Variants in ARSJ observed in about 807,000 individuals in gnomAD.
ARSJ encodes the protein arylsulfatase family member J, also known as arylsulfatase J.
Under a neutral mutation model 35.9 loss-of-function variants are expected in ARSJ, and 26 were observed. The ratio of observed to expected loss-of-function variants is 0.72; its 90% CI spans 0.53 to 1.00. The LOEUF (loss-of-function observed/expected upper bound fraction) is 1.00, where lower values mean the gene tolerates loss of function less well. ARSJ is among the 50% of genes least tolerant of loss of function. The pLI is 0.00. For missense variants in ARSJ, 667 were observed against 723.6 expected (o/e 0.92, Z 0.90); for synonymous variants, 294 against 267.6 (o/e 1.10, Z -0.96).
intron 1 of ARSJ, among the ~76,000 whole-genome samples, chr4:113,927,775 G>T (rs931195175): frequency 1.3e-5 from 2 of 152,214 alleles, no homozygotes; most frequent in Admixed American, 1.3e-4. Flanking sequence ...CCAAATGGAA[G>T]AGTTGAATGG....
At chr4:113,971,424 C>T (rs1174110574) in intron 1 of ARSJ, among the ~76,000 whole-genome samples, 1 of 152,160 alleles carries the variant, frequency 6.6e-6, no homozygotes, top group East Asian at 1.9e-4. Flanking sequence ...GAATTCACTT[C>T]AATGGCTTTT....
chr4:113,909,575 C>A (rs1365951388), intron 1 of ARSJ, among the ~76,000 whole-genome samples: 1 of 152,174 alleles, frequency 6.6e-6, no homozygotes, highest in Non-Finnish European at 1.5e-5. Context: ...CCCATGATTT[C>A]ATAAGGTGCT....
At chr4:113,959,020 C>T (rs940589492) in intron 1 of ARSJ, among the ~76,000 whole-genome samples, 1 of 151,756 alleles carries the variant, frequency 6.6e-6, no homozygotes, top group Admixed American at 6.6e-5. Flanking sequence ...GTTTTGGGAG[C>T]GGGATGGGGG....
intron 1 of ARSJ, among the ~76,000 whole-genome samples, chr4:113,930,989 C>T (rs919159252): frequency 6.8e-6 from 1 of 147,922 alleles, no homozygotes; most frequent in Non-Finnish European, 1.5e-5. Flanking sequence ...ATCACATGGA[C>T]ACAGGAAGGG....
chr4:113,918,454 G>A (rs1723457525), intron 1 of ARSJ, among the ~76,000 whole-genome samples: 1 of 151,986 alleles, frequency 6.6e-6, no homozygotes, highest in African/African-American at 2.4e-5. Flanking sequence ...TTTCTATTAT[G>A]GTAAAAATCA....
rs537656932 is a variant in ARSJ, at chr4:113,911,888, T to C, written c.399-8213A>G. ...TAATTTGCTTCACCATAGTAACTAA[T>C]TTAGTACTTATGGCTAGCCCATTAT... On this transcript the variant is annotated intron_variant, in intron 1 of 1. Coordinates refer to ENST00000315366, the MANE Select transcript of ARSJ (RefSeq NM_024590.4). 6.6e-5 allele frequency among the ~76,000 whole-genome samples: 10 copies of C among 152,294 alleles called. No homozygotes were observed. In the South Asian group the frequency reaches 8.3e-4, roughly 13 times the overall value.
chr4:113,910,754 C>T (rs1006992071), intron 1 of ARSJ, among the ~76,000 whole-genome samples: 8 of 152,078 alleles, frequency 5.3e-5, no homozygotes, highest in African/African-American at 1.7e-4. Flanking sequence ...GCTTGTTTAA[C>T]ACTCCTTCTC....
At chr4:113,964,650 G>T (rs528774590) in intron 1 of ARSJ, among the ~76,000 whole-genome samples, 1 of 152,048 alleles carries the variant, frequency 6.6e-6, no homozygotes, top group African/African-American at 2.4e-5. Flanking sequence ...TTAAACAGTT[G>T]GGAGAAAAAT....
intron 1 of ARSJ, among the ~76,000 whole-genome samples, chr4:113,974,662 A>G (rs1340622341): frequency 1.3e-5 from 2 of 152,178 alleles, no homozygotes; most frequent in Non-Finnish European, 2.9e-5. Flanking sequence ...ATGAAAAAAG[A>G]TAATACTAAA....
chr4:113,966,599 A>G (rs1461571932), intron 1 of ARSJ, among the ~76,000 whole-genome samples: 2 of 152,190 alleles, frequency 1.3e-5, no homozygotes, highest in African/African-American at 4.8e-5. Context: ...TGATGAAAGG[A>G]TATTAGCAGT....
chr4:113,943,084 A>G (rs956731), intron 1 of ARSJ, among the ~76,000 whole-genome samples: 32,262 of 151,962 alleles, frequency 0.21, 3,576 homozygotes, highest in Middle Eastern at 0.33. Context: ...TTTTGGCCAA[A>G]CTACATCACT....
chr4:113,928,380 T>A (rs545967962), intron 1 of ARSJ, among the ~76,000 whole-genome samples: 6 of 152,170 alleles, frequency 3.9e-5, no homozygotes, highest in Non-Finnish European at 8.8e-5. Context: ...GTCTGTAAAC[T>A]GGATAAAGTC....
chr4:113,910,400 C>A (rs2099670100), intron 1 of ARSJ, among the ~76,000 whole-genome samples: 1 of 152,164 alleles, frequency 6.6e-6, no homozygotes, highest in Middle Eastern at 3.4e-3. Flanking sequence ...TACTTTTATG[C>A]AGACTTTAAA....
At position 113,902,921 on chromosome 4, in the gene ARSJ, T is replaced by A. The variant is rs1170562338; in HGVS notation, c.1153A>T (p.Ile385Phe). Reference sequence around the variant, plus strand: ...TCAATCTGTCCTTCAGCCAGTGAAATGAGAGTGGGGTACCAGTCAGTGATG... The same window carrying A: ...TCAATCTGTCCTTCAGCCAGTGAAAAGAGAGTGGGGTACCAGTCAGTGATG... Reference protein sequence around the residue: ...VHITDWYPTLISLAEGQIDED... With the variant: ...VHITDWYPTLFSLAEGQIDED... Residue 385 changes from isoleucine (I) to phenylalanine (F), a missense_variant, in exon 2 of 2, where the codon ATT becomes TTT. Physicochemically the swap from Ile to Phe is conservative, Grantham distance 21 (BLOSUM62 0). Transcript: ENST00000315366. 3 of 1,613,598 alleles carry A rather than the reference T, an allele frequency of 1.9e-6. No homozygotes were observed. The highest frequency in any genetic ancestry group is 2.5e-6 in the Non-Finnish European group (3 of 1,179,670).
intron 1 of ARSJ, among the ~76,000 whole-genome samples, chr4:113,924,350 T>A (rs1723919017): frequency 6.6e-6 from 1 of 151,888 alleles, no homozygotes; most frequent in African/African-American, 2.4e-5. Context: ...GGCAGGTGAT[T>A]AGATGGTGCC....
intron 1 of ARSJ, among the ~76,000 whole-genome samples, chr4:113,937,046 G>A (rs1021622869): frequency 1.3e-5 from 2 of 151,690 alleles, no homozygotes; most frequent in South Asian, 4.2e-4. Flanking sequence ...GAAAAGTATA[G>A]GCCATTATTT....
At chr4:113,919,201 G>C (rs1723512169) in intron 1 of ARSJ, among the ~76,000 whole-genome samples, 2 of 152,188 alleles carry the variant, frequency 1.3e-5, no homozygotes, top group South Asian at 4.1e-4. Context: ...CAAGGGCTCA[G>C]TTGCAGAAAG....
chr4:113,927,493 C>T (rs770328149), intron 1 of ARSJ, among the ~76,000 whole-genome samples: 9 of 152,132 alleles, frequency 5.9e-5, no homozygotes, highest in East Asian at 1.9e-4. Context: ...CACACAAAGC[C>T]GGAGAGTTGA....
chr4:113,920,638 T>C (rs1484189518), intron 1 of ARSJ, among the ~76,000 whole-genome samples: 1 of 152,074 alleles, frequency 6.6e-6, no homozygotes, highest in Non-Finnish European at 1.5e-5. Flanking sequence ...AAAAGACAAA[T>C]CTTAAAGAAT....
Sources: gnomAD v4.1 joint callset for allele counts (sites outside exome capture counted in the v4.1 genomes callset) on GRCh38, gnomAD v4.1.1 for gene constraint, MANE v1.5 for transcripts, NCBI Gene and HGNC (gene_info 2026-07-23, HGNC 2026-07-21) for gene names.